WDHD1: variants seen among roughly 807,000 people sequenced by gnomAD.
WDHD1 encodes WD repeat and HMG-box DNA binding protein 1, also known as WD repeat and HMG-box DNA-binding protein 1.
In WDHD1, 111 loss-of-function variants were observed where a neutral mutation model predicts 135.4. That is an observed-to-expected ratio of 0.82 (90% CI 0.70 to 0.96). The LOEUF (loss-of-function observed/expected upper bound fraction) is 0.96, where lower values mean the gene tolerates loss of function less well. Ranked by LOEUF, WDHD1 falls within the 40% of genes least tolerant of loss-of-function variation. WDHD1 has a pLI of 0.00. For synonymous variants in WDHD1, 434 were observed against 439.0 expected (o/e 0.99, Z 0.14); for missense variants, 1,351 against 1,336.3 (o/e 1.01, Z -0.17).
chr14:54,944,657 T>C, intron 24 of WDHD1, 187 bp from the exon 25 acceptor site: 1 of 449,854 alleles, frequency 2.2e-6, no homozygotes, highest in South Asian at 3.6e-5. Flanking sequence ...TCTCACTCTG[T>C]CACCCAGCCT....
chr14:54,971,266 G>A (rs368396768), intron 16 of WDHD1, among the ~76,000 whole-genome samples: 242 of 152,238 alleles, frequency 1.6e-3, no homozygotes, highest in African/African-American at 5.5e-3. Flanking sequence ...GAGCTTCTGC[G>A]CAGCAAAAGA....
Position 54,955,757 on chromosome 14 carries a change from C to T in WDHD1, c.2917-63G>A, listed in dbSNP as rs750464027. The T allele has an allele frequency of 2.2e-5, 28 of 1,291,784 alleles. 1 individual carries two copies. Among genetic ancestry groups the T allele is most frequent in the Admixed American group, 6.2e-5 (2 of 32,166 alleles). The allele number at this position is 1,291,784 out of a possible 1,614,324, so 80.0% of individuals were successfully genotyped here. A position where few individuals can be genotyped will look rare whatever the true frequency, so the allele number is the denominator to read the frequency against. On this transcript the variant is annotated intron_variant, in intron 23 of 25. Transcript: ENST00000360586. Reference sequence around the variant, plus strand: ...TATAATTTTATATGTTTTATAAGCACGTTCTGAAAAATGTGAAGAAACATC... The same window carrying T: ...TATAATTTTATATGTTTTATAAGCATGTTCTGAAAAATGTGAAGAAACATC...
intron 25 of WDHD1, 95 bp downstream of exon 25, chr14:54,944,237 C>T (rs2040883087): frequency 6.6e-7 from 1 of 1,513,188 alleles, no homozygotes; most frequent in Non-Finnish European, 9.0e-7. Flanking sequence ...GGATTACAGG[C>T]ATAAGACACC....
intron 3 of WDHD1, among the ~76,000 whole-genome samples, chr14:55,011,734 T>C (rs944530260): frequency 6.6e-6 from 1 of 151,860 alleles, no homozygotes; most frequent in Admixed American, 6.6e-5. Context: ...TTTTTTTTAC[T>C]TATTGTAAAC....
At chr14:54,960,062 A>G (rs1019466547) in intron 21 of WDHD1, among the ~76,000 whole-genome samples, 1 of 152,122 alleles carries the variant, frequency 6.6e-6, no homozygotes, top group African/African-American at 2.4e-5. Flanking sequence ...TCTCTTCATC[A>G]TCTTCAGAAA....
chr14:55,011,667 GTATT>G (rs902563594), intron 3 of WDHD1, among the ~76,000 whole-genome samples: 11 of 150,442 alleles, frequency 7.3e-5, no homozygotes, highest in Admixed American at 6.7e-4. Flanking sequence ...ATATATATAT[GTATT>G]TATTTATTTT....
intron 16 of WDHD1, among the ~76,000 whole-genome samples, chr14:54,979,190 C>T (rs887311430): frequency 1.3e-5 from 2 of 152,040 alleles, no homozygotes; most frequent in South Asian, 2.1e-4. Flanking sequence ...GGTTCTCTGT[C>T]GCCTAGACAG....
At chr14:55,006,380 G>C (rs1283647959) in intron 7 of WDHD1, among the ~76,000 whole-genome samples, 2 of 152,034 alleles carry the variant, frequency 1.3e-5, no homozygotes, top group Admixed American at 1.3e-4. Context: ...CAATTTAAAA[G>C]TAAATGCATT....
At chr14:55,023,651 T>G (rs2042385249) in intron 2 of WDHD1, among the ~76,000 whole-genome samples, 1 of 152,244 alleles carries the variant, frequency 6.6e-6, no homozygotes, top group Non-Finnish European at 1.5e-5. Context: ...AGATGTCTTT[T>G]TACTGGGATA....
chr14:54,988,596 T>C (rs986280807), intron 13 of WDHD1, among the ~76,000 whole-genome samples: 1 of 152,048 alleles, frequency 6.6e-6, no homozygotes, highest in Non-Finnish European at 1.5e-5. Context: ...TAGAAAGAAA[T>C]CTGGAAGGAT....
intron 11 of WDHD1, among the ~76,000 whole-genome samples, chr14:54,994,723 C>T (rs182324096): frequency 1.6e-4 from 24 of 149,996 alleles, no homozygotes; most frequent in African/African-American, 4.2e-4. Context: ...ATCACACCAC[C>T]GCACTCCAGC....
At chr14:54,980,876 C>T (rs772693219) in intron 16 of WDHD1, among the ~76,000 whole-genome samples, 2 of 150,350 alleles carry the variant, frequency 1.3e-5, no homozygotes, top group Non-Finnish European at 3.0e-5. Flanking sequence ...TTTGGGAGGC[C>T]GAGGCAGGCA....
chr14:54,984,873 T>C lies in WDHD1; in HGVS notation c.1769-13A>G, dbSNP rs758964884. 3.1e-6 allele frequency: 5 copies of C among 1,606,852 alleles called. No homozygotes were observed. The highest frequency in any genetic ancestry group is 4.2e-6 in the Non-Finnish European group (5 of 1,178,044). On this transcript the variant is annotated splice_polypyrimidine_tract_variant and intron_variant, in intron 14 of 25. Transcript: ENST00000360586. The stretch of plus-strand genomic sequence containing the variant: ...TCAAATCCTGTACCTAATGAGAAAA[T>C]GTAAATATAAATCAGGCATCAAAGG...
At chr14:54,988,925 T>G (rs2041739415) in intron 13 of WDHD1, 103 bp downstream of exon 13, 1 of 1,072,106 alleles carries the variant, frequency 9.3e-7, no homozygotes, top group African/African-American at 1.6e-5. Context: ...AATTTCATAT[T>G]ACAAAAAATA....
At chr14:55,013,406 CA>C in intron 3 of WDHD1, 78 bp downstream of exon 3, 1 of 969,768 alleles carries the variant, frequency 1.0e-6, no homozygotes, top group Non-Finnish European at 1.6e-6. Context: ...TATCTATATT[CA>C]AAAATATTTT....
chr14:54,993,748 AT>A (rs66881784), intron 11 of WDHD1, among the ~76,000 whole-genome samples: 2 of 149,120 alleles, frequency 1.3e-5, no homozygotes, highest in African/African-American at 4.9e-5. Context: ...CTTCTCACTA[AT>A]TTTTTTTGTT....
chr14:55,007,450 T>A, intron 6 of WDHD1, 75 bp from the exon 7 acceptor site: 1 of 1,086,210 alleles, frequency 9.2e-7, no homozygotes, highest in Non-Finnish European at 1.3e-6. Flanking sequence ...TGAATATATT[T>A]AAAGGTTCTT....
rs2041682174 is a variant in WDHD1, at chr14:54,985,528, G to A, written c.1769-668C>T. Among the ~76,000 whole-genome samples the A allele has an allele frequency of 2.6e-5, 4 of 152,168 alleles. No individual in the cohort carries two copies. The South Asian group carries it at 8.3e-4, about 32-fold the overall frequency. On this transcript the variant is annotated intron_variant, in intron 14 of 25. Transcript: ENST00000360586. ...AGGCAGGCAAAGGTCAGATTATACGGGATCAGTAGATCACCTTGACAGCTA... is the reference window on the plus strand; with the variant it reads ...AGGCAGGCAAAGGTCAGATTATACGAGATCAGTAGATCACCTTGACAGCTA...
intron 18 of WDHD1, among the ~76,000 whole-genome samples, chr14:54,965,722 G>A (rs969451900): frequency 2.0e-5 from 3 of 152,096 alleles, no homozygotes; most frequent in South Asian, 4.1e-4. Flanking sequence ...TTCGGAGGCC[G>A]AGGCAGGTGA....
Sources: gnomAD v4.1 joint callset for allele counts (sites outside exome capture counted in the v4.1 genomes callset) on GRCh38, gnomAD v4.1.1 for gene constraint, MANE v1.5 for transcripts, NCBI Gene and HGNC (gene_info 2026-07-23, HGNC 2026-07-21) for gene names.